Variants in MAGI2 observed in about 807,000 individuals in gnomAD.
The protein encoded by MAGI2 is membrane-associated guanylate kinase, WW and PDZ domain-containing protein 2.
Under a neutral mutation model 133.3 loss-of-function variants are expected in MAGI2, and 35 were observed. The observed-to-expected ratio is 0.26, with a 90% CI of 0.20 to 0.35. The LOEUF (loss-of-function observed/expected upper bound fraction) is 0.35, where lower values mean the gene tolerates loss of function less well. Among genes scored for constraint, MAGI2 ranks in the 10% least tolerant of loss-of-function variants. The pLI is 1.00. For missense variants in MAGI2, 1,636 were observed against 1,863.4 expected, an observed-to-expected ratio of 0.88 and a Z score of 2.25; for synonymous variants, 729 against 710.6, an observed-to-expected ratio of 1.03 and a Z score of -0.41.
At chr7:78,419,457 G>T (rs950618577) in intron 6 of MAGI2, among the ~76,000 whole-genome samples, 1 of 151,794 alleles carries the variant, frequency 6.6e-6, no homozygotes, top group Non-Finnish European at 1.5e-5. Context: ...ACTGGGATGG[G>T]GTAACATCAT....
At position 78,606,242 on chromosome 7, in the gene MAGI2, T is replaced by C. The variant is rs1024604158; in HGVS notation, c.538+20878A>G. ...TTAAAAGGTCAATCCAGATGGAGGATGTATATGGGTTCAGACCTAAGAACT... is the reference window on the plus strand; with the variant it reads ...TTAAAAGGTCAATCCAGATGGAGGACGTATATGGGTTCAGACCTAAGAACT... On this transcript the variant is annotated intron_variant, in intron 3 of 21. Coordinates refer to ENST00000354212, the MANE Select transcript of MAGI2 (RefSeq NM_012301.4). Among the ~76,000 whole-genome samples the C allele has an allele frequency of 5.3e-5, 8 of 152,024 alleles. 1 individual carries two copies. The East Asian group carries it at 5.8e-4, about 11-fold the overall frequency.
chr7:78,857,174 A>G (rs1339530011), intron 2 of MAGI2, among the ~76,000 whole-genome samples: 3 of 152,096 alleles, frequency 2.0e-5, no homozygotes, highest in Non-Finnish European at 4.4e-5. Context: ...GGGTTTTCTA[A>G]ATATACAATC....
intron 2 of MAGI2, among the ~76,000 whole-genome samples, chr7:78,723,113 C>T (rs76830292): frequency 6.6e-6 from 1 of 152,082 alleles, no homozygotes; most frequent in African/African-American, 2.4e-5. Context: ...AGGAAGCATC[C>T]ATACTTAGAA....
At chr7:79,244,094 C>G (rs1446867099) in intron 1 of MAGI2, among the ~76,000 whole-genome samples, 1 of 152,154 alleles carries the variant, frequency 6.6e-6, no homozygotes, top group Non-Finnish European at 1.5e-5. Flanking sequence ...TGCACACTAA[C>G]CAATCATGCC....
chr7:78,245,152 A>G (rs1791627856), intron 10 of MAGI2, among the ~76,000 whole-genome samples: 2 of 152,374 alleles, frequency 1.3e-5, no homozygotes, highest in Non-Finnish European at 2.9e-5. Context: ...ATGAACTGAA[A>G]AAATTACGAG....
At chr7:79,332,088 T>C (rs1840122118) in intron 1 of MAGI2, among the ~76,000 whole-genome samples, 1 of 152,214 alleles carries the variant, frequency 6.6e-6, no homozygotes, top group Non-Finnish European at 1.5e-5. Flanking sequence ...AATCCTAATA[T>C]TCACTTCGTT....
At chr7:78,696,826 GATTT>G (rs1279998107) in intron 2 of MAGI2, among the ~76,000 whole-genome samples, 1 of 152,130 alleles carries the variant, frequency 6.6e-6, no homozygotes. Context: ...TCTTCTTTGA[GATTT>G]ATTTTCATCT....
At chr7:78,032,044 G>A (rs1223650361) in intron 21 of MAGI2, among the ~76,000 whole-genome samples, 1 of 123,722 alleles carries the variant, frequency 8.1e-6, no homozygotes, top group Non-Finnish European at 1.7e-5. Flanking sequence ...AATTCCGGCT[G>A]TTTAAAAAGA....
At chr7:78,865,051 G>T (rs889392083) in intron 2 of MAGI2, among the ~76,000 whole-genome samples, 2 of 152,166 alleles carry the variant, frequency 1.3e-5, no homozygotes, top group African/African-American at 4.8e-5. Flanking sequence ...GCCTAGTGCT[G>T]TCAGGAGAGT....
At chr7:78,194,765 T>G (rs1214568943) in intron 12 of MAGI2, 109 bp downstream of exon 12, 2 of 954,904 alleles carry the variant, frequency 2.1e-6, no homozygotes, top group East Asian at 2.8e-5. Flanking sequence ...TTGAAACACT[T>G]TTGAAACTCA....
chr7:78,501,288 G>A (rs1372080629), intron 5 of MAGI2, among the ~76,000 whole-genome samples: 1 of 152,004 alleles, frequency 6.6e-6, no homozygotes, highest in Non-Finnish European at 1.5e-5. Context: ...ATGATATCTA[G>A]ACTATTCCTA....
intron 2 of MAGI2, among the ~76,000 whole-genome samples, chr7:78,887,940 A>C (rs1796401151): frequency 1.3e-5 from 2 of 152,204 alleles, no homozygotes; most frequent in African/African-American, 4.8e-5. Flanking sequence ...CCATTGCCTC[A>C]CCTGGCAAGT....
At chr7:79,154,600 G>C (rs1823586232) in intron 1 of MAGI2, among the ~76,000 whole-genome samples, 1 of 152,122 alleles carries the variant, frequency 6.6e-6, no homozygotes, top group Non-Finnish European at 1.5e-5. Context: ...TAGAGGAGGA[G>C]AGATTTAAAT....
intron 2 of MAGI2, among the ~76,000 whole-genome samples, chr7:78,754,792 T>C (rs1378879450): frequency 6.6e-6 from 1 of 152,228 alleles, no homozygotes; most frequent in Non-Finnish European, 1.5e-5. Context: ...TAACCACTTC[T>C]GTTGACTAAG....
intron 3 of MAGI2, among the ~76,000 whole-genome samples, chr7:78,537,063 G>C (rs1798015386): frequency 6.6e-6 from 1 of 151,846 alleles, no homozygotes; most frequent in African/African-American, 2.4e-5. Context: ...ACAATGTTTA[G>C]TTTTCCATTC....
At chr7:79,003,599 A>T (rs1807116862) in intron 2 of MAGI2, among the ~76,000 whole-genome samples, 1 of 152,206 alleles carries the variant, frequency 6.6e-6, no homozygotes. Context: ...AACAAATGTG[A>T]TTCCATACTC....
chr7:78,868,226 T>C (rs1794744774), intron 2 of MAGI2, among the ~76,000 whole-genome samples: 1 of 152,084 alleles, frequency 6.6e-6, no homozygotes, highest in Non-Finnish European at 1.5e-5. Context: ...TTAACAATAG[T>C]CAAAAACAAA....
intron 9 of MAGI2, among the ~76,000 whole-genome samples, chr7:78,303,126 C>T (rs546130295): frequency 4.6e-5 from 7 of 152,128 alleles, no homozygotes; most frequent in African/African-American, 1.7e-4. Context: ...GCCTGTAGTC[C>T]CAGCACTTTG....
chr7:78,994,974 A>G (rs1806144476), intron 2 of MAGI2, among the ~76,000 whole-genome samples: 1 of 152,148 alleles, frequency 6.6e-6, no homozygotes, highest in Non-Finnish European at 1.5e-5. Flanking sequence ...GATTTAGATT[A>G]GAATTCAGGT....
Sources: gnomAD v4.1 joint callset for allele counts (sites outside exome capture counted in the v4.1 genomes callset) on GRCh38, gnomAD v4.1.1 for gene constraint, MANE v1.5 for transcripts, NCBI Gene and HGNC (gene_info 2026-07-23, HGNC 2026-07-21) for gene names.